The following SYNE4 variants were observed in gnomAD, a reference collection of about 807,000 sequenced individuals.
The protein encoded by SYNE4 is spectrin repeat containing nuclear envelope family member 4, also known as nesprin-4.
SYNE4 carries 41 observed loss-of-function variants against 46.9 expected under a neutral mutation model. The ratio of observed to expected loss-of-function variants is 0.87; its 90% CI spans 0.68 to 1.13. The LOEUF is 1.13. Among genes scored for constraint, SYNE4 ranks in the 50% most tolerant of loss-of-function variants. The probability of loss-of-function intolerance (pLI) is 0.00; values close to 1 mark genes in which losing one functional copy is unlikely to be tolerated. For synonymous variants in SYNE4, 221 were observed against 219.5 expected (o/e 1.01, Z -0.06); for missense variants, 492 against 514.8 (o/e 0.96, Z 0.43).
At chr19:36,004,109 G>A (rs1212051078) in intron 6 of SYNE4, among the ~76,000 whole-genome samples, 4 of 151,916 alleles carry the variant, frequency 2.6e-5, no homozygotes, top group Non-Finnish European at 2.9e-5. Flanking sequence ...CCTGGGCTCA[G>A]GTGATCCTCT....
chr19:36,008,804 G>A lies in SYNE4; in HGVS notation c.-123C>T. ...GGCCTGAGGCTGCAGGAGAGGCCCA[G>A]GACAGGTCTGGCTCCGCCCCTTCCA... On this transcript the variant is annotated 5_prime_UTR_variant, in exon 1 of 8. Transcript: ENST00000324444. 6.9e-7 allele frequency: 1 copy of A among 1,440,042 alleles called. No individual in the cohort carries two copies. Among genetic ancestry groups the A allele is most frequent in the South Asian group, 1.5e-5 (1 of 67,510 alleles). The allele number at this position is 1,440,042 out of a possible 1,614,324, so 89.2% of individuals were successfully genotyped here.
rs759550428 is a variant in SYNE4, at chr19:36,006,891, C to T, written c.477G>A (p.Ala159=). The T allele has an allele frequency of 4.1e-5, 64 of 1,560,380 alleles. No homozygotes were observed. Among genetic ancestry groups the T allele is most frequent in the East Asian group, 1.4e-4 (6 of 42,056 alleles). Residue 159 remains alanine, a synonymous_variant, in exon 4 of 8, where the codon GCG becomes GCA. Coordinates refer to ENST00000324444, the MANE Select transcript of SYNE4 (RefSeq NM_001039876.3). ...TCCGCTGTGCCAGCCCCTCACCAAACGCTAGCAGCGCCTCCACACGCTCAG... is the reference window on the plus strand; with the variant it reads ...TCCGCTGTGCCAGCCCCTCACCAAATGCTAGCAGCGCCTCCACACGCTCAG... ...GAAERVEALL[A]FGEGLAQRSE...
chr19:36,003,527 A>G lies in SYNE4; in HGVS notation c.1032-7T>C, dbSNP rs749239360. ...GGATGCAGGATCGGGGGCCCTGTGA[A>G]GGGAAATGCAGTGTTAAACATACAG... On this transcript the variant is annotated splice_region_variant and splice_polypyrimidine_tract_variant and intron_variant, in intron 7 of 7. Transcript: ENST00000324444. 1 of 1,596,696 alleles carries G rather than the reference A, an allele frequency of 6.3e-7. No individual in the cohort carries two copies. The highest frequency in any genetic ancestry group is 1.1e-5 in the South Asian group (1 of 88,744).
rs766719885 is a variant in SYNE4 at position 36,007,128 on chromosome 19, C to A, written c.420G>T (p.Leu140=). The A allele has an allele frequency of 1.4e-5, 23 of 1,598,614 alleles. No homozygotes were observed. The South Asian group carries it at 2.6e-4, about 18-fold the overall frequency. ...WALAQSGMVQ[L]QALQVDLRGA... is the part of the protein sequence containing the mutation. ...CATCCTGGCCTCTCCTGCCTACCTG[C>A]AGCTGCACCATCCCACTCTGGGCCA... is the stretch of plus-strand genomic sequence containing the variant. Residue 140 remains leucine, a synonymous_variant, in exon 3 of 8, where the codon CTG becomes CTT. Transcript: ENST00000324444.
intron 2 of SYNE4, chr19:36,007,573 G>C: frequency 1.0e-6 from 1 of 985,296 alleles, no homozygotes; most frequent in Non-Finnish European, 1.2e-6. Context: ...GCTACACCAG[G>C]AGCAATGATG....
At chr19:36,004,971 G>A (rs555643088) in intron 6 of SYNE4, among the ~76,000 whole-genome samples, 7 of 138,674 alleles carry the variant, frequency 5.0e-5, no homozygotes, top group Admixed American at 8.5e-5. Context: ...TCCGCCTCCC[G>A]GGCTCAAGCG....
At chr19:36,006,259 C>G in intron 5 of SYNE4, 164 bp downstream of exon 5, 1 of 990,892 alleles carries the variant, frequency 1.0e-6, no homozygotes, top group South Asian at 2.2e-5. Context: ...CAGAGACAGA[C>G]GAGAGAGAGA....
rs559368943 is a variant in SYNE4, at chr19:36,004,805, A to G, written c.972+528T>C. Among the ~76,000 whole-genome samples the G allele has an allele frequency of 1.4e-4, 21 of 146,334 alleles. No homozygotes were observed. The East Asian group carries it at 4.3e-3, about 30-fold the overall frequency. On this transcript the variant is annotated intron_variant, in intron 6 of 7. Transcript: ENST00000324444. ...CACCCATTTTGCTAAGAAGGAAGCC[A>G]CCTTGGGGACTTAGAGCCCAAGAAA...
intron 5 of SYNE4, 72 bp from the exon 6 acceptor site, chr19:36,005,509 C>T: frequency 7.1e-7 from 1 of 1,412,022 alleles, no homozygotes; most frequent in South Asian, 1.2e-5. Context: ...AGATGAGATT[C>T]TGGGGGAGCA....
chr19:36,004,872 T>G (rs1370164738), intron 6 of SYNE4, among the ~76,000 whole-genome samples: 1 of 122,938 alleles, frequency 8.1e-6, no homozygotes, highest in African/African-American at 4.1e-5. Flanking sequence ...CTTTCTTTTT[T>G]TTTTTTTTTT....
At position 36,007,187 on chromosome 19, in the gene SYNE4, G is replaced by A; in HGVS notation, c.361C>T (p.Gln121Ter). ...LCLLGLGRRL[Q>*]DLEQGLGHWA... is the part of the protein sequence containing the mutation. ...TGCCCCAGGCCTTGCTCCAGGTCCT[G>A]CAGCCGGCGGCCCAGCCCCAGCAGG... is the stretch of plus-strand genomic sequence containing the variant. The change falls in exon 3 of 8, where the codon CAG becomes TAG. Residue 121 changes from glutamine to a stop codon, truncating the protein, a stop_gained. Coordinates refer to ENST00000324444, the MANE Select transcript of SYNE4 (RefSeq NM_001039876.3). LOFTEE classifies it high-confidence loss of function. 1 of 1,584,312 alleles carries A rather than the reference G, an allele frequency of 6.3e-7. No homozygotes were observed.
At position 36,008,622 on chromosome 19, in the gene SYNE4, C is replaced by T. The variant is rs1252182378; in HGVS notation, c.60G>A (p.Pro20=). 3.1e-6 allele frequency: 5 copies of T among 1,614,050 alleles called. No individual in the cohort carries two copies. Among genetic ancestry groups the T allele is most frequent in the Non-Finnish European group, 3.4e-6 (4 of 1,179,964 alleles). The change falls in exon 1 of 8, where the codon CCG becomes CCA. Residue 20 remains proline, a synonymous_variant. Coordinates refer to ENST00000324444, the MANE Select transcript of SYNE4 (RefSeq NM_001039876.3). ...RLGSEPLNHP[P]GAPREADIVG... ...CAATGTCCGCCTCTCTAGGTGCTCC[C>T]GGTGGGTGGTTGAGGGGCTCTGAGC...
Position 36,008,197 on chromosome 19 carries a change from T to A in SYNE4, c.279+20A>T, listed in dbSNP as rs910081298. On this transcript the variant is annotated intron_variant, in intron 2 of 7. Coordinates refer to ENST00000324444, the MANE Select transcript of SYNE4 (RefSeq NM_001039876.3). ...GAGGAGGTGGGGCTGGCACAAGGGG[T>A]CTGGGTCACCTCAGCTCACCTCACA... 2 of 1,600,702 alleles carry A rather than the reference T, an allele frequency of 1.2e-6. No homozygotes were observed. Among genetic ancestry groups the A allele is most frequent in the African/African-American group, 2.7e-5 (2 of 74,248 alleles).
chr19:36,005,571 G>A, intron 5 of SYNE4, 134 bp from the exon 6 acceptor site: 1 of 714,552 alleles, frequency 1.4e-6, no homozygotes, highest in Non-Finnish European at 2.3e-6. Flanking sequence ...CAAGAGAGGA[G>A]AGAATTATTT....
At position 36,005,332 on chromosome 19, in the gene SYNE4, C is replaced by T. The variant is rs2145346614; in HGVS notation, c.972+1G>A. On this transcript the variant is annotated splice_donor_variant, in intron 6 of 7. Coordinates refer to ENST00000324444, the MANE Select transcript of SYNE4 (RefSeq NM_001039876.3). LOFTEE classifies it high-confidence loss of function. ...CTACACCTGGTTGAGAACTGGCTCA[C>T]CTGAGGCTTCCGGAGCAGGGAGTGT... The T allele has an allele frequency of 2.5e-6, 4 of 1,614,026 alleles. No homozygotes were observed. The highest frequency in any genetic ancestry group is 1.6e-4 in the Middle Eastern group (1 of 6,062).
intron 6 of SYNE4, chr19:36,003,874 C>A (rs1976760194): frequency 4.7e-6 from 1 of 214,092 alleles, no homozygotes; most frequent in South Asian, 1.6e-4. Context: ...TGCCACCATG[C>A]CCAGCTCATT....
chr19:36,007,184 C>A lies in SYNE4; in HGVS notation c.364G>T (p.Asp122Tyr), dbSNP rs755966102. 1 of 1,587,062 alleles carries A rather than the reference C, an allele frequency of 6.3e-7. No homozygotes were observed. Among genetic ancestry groups the A allele is most frequent in the South Asian group, 1.1e-5 (1 of 87,092 alleles). ...CAGTGCCCCAGGCCTTGCTCCAGGT[C>A]CTGCAGCCGGCGGCCCAGCCCCAGC... The part of the protein sequence containing the change: ...CLLGLGRRLQ[D>Y]LEQGLGHWAL... The change falls in exon 3 of 8, where the codon GAC (aspartate) becomes TAC (tyrosine). Residue 122 changes from aspartate (D) to tyrosine (Y), a missense_variant. Transcript: ENST00000324444.
At chr19:36,005,471 G>C in intron 5 of SYNE4, 34 bp from the exon 6 acceptor site, 1 of 1,605,168 alleles carries the variant, frequency 6.2e-7, no homozygotes, top group Non-Finnish European at 8.5e-7. Context: ...AACGTGGTTG[G>C]GGGAGGGCCA....
rs1976814263 is a variant in SYNE4, at chr19:36,005,402, C to T, written c.903G>A (p.Leu301=). 3.1e-6 allele frequency: 5 copies of T among 1,614,002 alleles called. No individual in the cohort carries two copies. The highest frequency in any genetic ancestry group is 4.2e-6 in the Non-Finnish European group (5 of 1,179,982). Residue 301 remains leucine (L), a synonymous_variant, in exon 6 of 8, where the codon CTG becomes CTA. Coordinates refer to ENST00000324444, the MANE Select transcript of SYNE4 (RefSeq NM_001039876.3). Reference sequence around the variant, plus strand: ...GTTTCTGGTGGCCGAGGCCAGACTCCAGCATGTCCTGTCGGGAGTGAGAGG... The same window carrying T: ...GTTTCTGGTGGCCGAGGCCAGACTCTAGCATGTCCTGTCGGGAGTGAGAGG... ...ADTSHSRQDM[L]ESGLGHQKRL...
Sources: gnomAD v4.1 joint callset for allele counts (sites outside exome capture counted in the v4.1 genomes callset) on GRCh38, gnomAD v4.1.1 for gene constraint, MANE v1.5 for transcripts, NCBI Gene and HGNC (gene_info 2026-07-23, HGNC 2026-07-21) for gene names.